Variants in SPATA31F1 observed in about 807,000 individuals in gnomAD.
SPATA31F1 encodes the protein protein SPATA31F1.
At chr9:34,728,703 T>C in the SPATA31F1 span, 2 of 1,518,620 alleles carry the variant, frequency 1.3e-6, no homozygotes, top group East Asian at 4.9e-5. Context: ...CCATTTTCTT[T>C]CTCATGTCCA....
At chr9:34,727,118 C>T in the SPATA31F1 span, 3 of 1,422,678 alleles carry the variant, frequency 2.1e-6, no homozygotes, top group Non-Finnish European at 2.8e-6. Flanking sequence ...TGTTGTCTAC[C>T]TGTCTGCTTT....
At chr9:34,724,162 G>A in the SPATA31F1 span, 1 of 1,550,880 alleles carries the variant, frequency 6.4e-7, no homozygotes, top group African/African-American at 1.4e-5. Context: ...GAGGCTCAGG[G>A]CCACAGGGTT....
the SPATA31F1 span, chr9:34,725,719 A>C: frequency 1.3e-6 from 2 of 1,546,140 alleles, no homozygotes; most frequent in Admixed American, 3.9e-5. Flanking sequence ...CATTGATCTG[A>C]GCTCGTTGAT....
chr9:34,727,890 A>G, the SPATA31F1 span: 1 of 791,720 alleles, frequency 1.3e-6, no homozygotes, highest in East Asian at 2.8e-5. Flanking sequence ...CCTCTCACCC[A>G]GTGTCCCTGC....
At chr9:34,724,496 T>C in the SPATA31F1 span, 2 of 1,551,760 alleles carry the variant, frequency 1.3e-6, no homozygotes, top group Non-Finnish European at 1.7e-6. Context: ...AACAGTTTGT[T>C]CCCTGGACTT....
At chr9:34,723,282 G>A in the SPATA31F1 span, 17 of 1,551,664 alleles carry the variant, frequency 1.1e-5, no homozygotes, top group African/African-American at 1.5e-4. Flanking sequence ...GGACAGTGAC[G>A]AGGGCAGTGG....
the SPATA31F1 span, chr9:34,725,078 A>G: frequency 5.2e-6 from 8 of 1,551,608 alleles, no homozygotes; most frequent in Non-Finnish European, 7.0e-6. Flanking sequence ...CAGTTCCAGG[A>G]ACTGGCTTTC....
the SPATA31F1 span, chr9:34,724,110 G>A: frequency 6.5e-7 from 1 of 1,529,528 alleles, no homozygotes; most frequent in Non-Finnish European, 8.8e-7. Context: ...TTTCCTGCTA[G>A]CATGGGGACA....
chr9:34,723,375 AG>A, the SPATA31F1 span: 1 of 1,551,732 alleles, frequency 6.4e-7, no homozygotes, highest in Non-Finnish European at 8.7e-7. Context: ...GGACCATCCA[AG>A]AAGGCTGGGC....
the SPATA31F1 span, chr9:34,724,174 C>A: frequency 6.4e-7 from 1 of 1,551,266 alleles, no homozygotes; most frequent in Non-Finnish European, 8.7e-7. Flanking sequence ...CACAGGGTTC[C>A]TCCAGGCTGG....
the SPATA31F1 span, chr9:34,728,524 T>A: frequency 2.2e-6 from 3 of 1,351,376 alleles, no homozygotes; most frequent in Non-Finnish European, 3.1e-6. Context: ...AGCACCTGGC[T>A]CTTGGCTCCA....
chr9:34,724,992 C>G, the SPATA31F1 span: 1 of 1,552,044 alleles, frequency 6.4e-7, no homozygotes, highest in South Asian at 1.2e-5. Context: ...CCTGGTAAAG[C>G]CTGTTGCTGC....
chr9:34,723,749 TG>T, the SPATA31F1 span: 1 of 1,551,734 alleles, frequency 6.4e-7, no homozygotes, highest in Non-Finnish European at 8.7e-7. Flanking sequence ...CTGTGAAGCC[TG>T]GGGCAACACA....
chr9:34,724,049 T>C, the SPATA31F1 span: 1 of 1,519,704 alleles, frequency 6.6e-7, no homozygotes, highest in South Asian at 1.2e-5. Context: ...AAACCCCGCA[T>C]CCCCTTCTCT....
At chr9:34,726,802 A>G in the SPATA31F1 span, 2 of 1,551,772 alleles carry the variant, frequency 1.3e-6, no homozygotes, top group Non-Finnish European at 1.7e-6. Flanking sequence ...CTAAAGACAT[A>G]CTAGACGTAG....
the SPATA31F1 span, chr9:34,729,441 T>A: frequency 1.3e-6 from 2 of 1,543,130 alleles, no homozygotes; most frequent in East Asian, 4.9e-5. Context: ...CTAAACTTCA[T>A]TAGCATGAGA....
the SPATA31F1 span, chr9:34,723,226 C>T: frequency 1.3e-4 from 197 of 1,550,128 alleles, 1 homozygote; most frequent in East Asian, 3.8e-3. Context: ...AGGTGAGGGT[C>T]AGGAGCTAGG....
chr9:34,723,624 G>A, the SPATA31F1 span: 1 of 1,551,724 alleles, frequency 6.4e-7, no homozygotes, highest in East Asian at 2.4e-5. Context: ...GACTCTGTAA[G>A]GCTGGGCTTC....
the SPATA31F1 span, chr9:34,726,679 C>T: frequency 1.3e-6 from 2 of 1,551,576 alleles, no homozygotes; most frequent in South Asian, 2.4e-5. Flanking sequence ...CATACGTTGA[C>T]TGGGCAGCTG....
Sources: gnomAD v4.1 joint callset for allele counts on GRCh38, gnomAD v4.1.1 for gene constraint, MANE v1.5 for transcripts, NCBI Gene and HGNC (gene_info 2026-07-23, HGNC 2026-07-21) for gene names.